WDR72: variants seen among roughly 807,000 people sequenced by gnomAD.
WDR72 encodes WD repeat domain 72, also known as WD repeat-containing protein 72.
WDR72 carries 120 observed loss-of-function variants against 124.2 expected under a neutral mutation model. The ratio of observed to expected loss-of-function variants is 0.97; its 90% CI spans 0.83 to 1.12. The LOEUF is 1.12. Ranked by LOEUF, WDR72 falls within the 50% of genes most tolerant of loss-of-function variation. The pLI is 0.00. For synonymous variants in WDR72, 452 were observed against 441.7 expected (o/e 1.02, Z -0.29); for missense variants, 1,387 against 1,278.8 (o/e 1.08, Z -1.29).
chr15:53,691,600 T>TAGACAGACAGAC (rs140193304), intron 13 of WDR72, among the ~76,000 whole-genome samples: 1 of 137,378 alleles, frequency 7.3e-6, no homozygotes, highest in African/African-American at 2.8e-5. Flanking sequence ...TGTAAAATGA[T>TAGACAGACAGAC]AGACAGACAG....
intron 18 of WDR72, among the ~76,000 whole-genome samples, chr15:53,558,518 G>C (rs1343428777): frequency 6.6e-6 from 1 of 151,954 alleles, no homozygotes; most frequent in Admixed American, 6.6e-5. Context: ...CATCTTTATG[G>C]AAATGGCTTA....
intron 18 of WDR72, among the ~76,000 whole-genome samples, chr15:53,585,498 C>A (rs2012157489): frequency 2.0e-5 from 3 of 151,940 alleles, no homozygotes; most frequent in Admixed American, 2.0e-4. Flanking sequence ...AGAGTCAAAC[C>A]ATATAATTGC....
intron 14 of WDR72, among the ~76,000 whole-genome samples, chr15:53,628,469 G>A (rs140763309): frequency 1.2e-3 from 184 of 152,038 alleles, no homozygotes; most frequent in Middle Eastern, 6.8e-3. Context: ...ATGATTAGCC[G>A]GCATCATAAG....
At chr15:53,579,803 C>G (rs2011817822) in intron 18 of WDR72, among the ~76,000 whole-genome samples, 1 of 151,964 alleles carries the variant, frequency 6.6e-6, no homozygotes, top group Non-Finnish European at 1.5e-5. Context: ...TTCTAACACC[C>G]CTCCTGTCCC....
At chr15:53,669,245 C>T (rs2015906748) in intron 13 of WDR72, among the ~76,000 whole-genome samples, 1 of 152,132 alleles carries the variant, frequency 6.6e-6, no homozygotes, top group Admixed American at 6.6e-5. Context: ...AGACATCTCC[C>T]TATGGACAGC....
intron 18 of WDR72, among the ~76,000 whole-genome samples, chr15:53,567,336 G>A (rs75279788): frequency 0.011 from 1,607 of 151,996 alleles, 35 homozygotes; most frequent in African/African-American, 0.037. Flanking sequence ...TAGATTTGAG[G>A]GGAAGAATAT....
chr15:53,691,222 T>A (rs974765568), intron 13 of WDR72, among the ~76,000 whole-genome samples: 4 of 152,102 alleles, frequency 2.6e-5, no homozygotes, highest in Admixed American at 6.5e-5. Context: ...GCTAATTTTT[T>A]AAATTTTTTA....
rs1014415428 is a variant in WDR72 at position 53,686,128 on chromosome 15, G to A, written c.1765+13622C>T. On this transcript the variant is annotated intron_variant, in intron 13 of 19. Transcript: ENST00000360509. ...ATCATGCCAAAATGTAAAGACCATC[G>A]AGACGAGGACGAAACTGCATCAACT... Among the ~76,000 whole-genome samples, 21 of 147,336 alleles carry A rather than the reference G, an allele frequency of 1.4e-4. 1 individual carries two copies. The highest frequency in any genetic ancestry group is 4.8e-4 in the African/African-American group (19 of 39,410).
chr15:53,752,315 A>T (rs1415171028), intron 1 of WDR72, among the ~76,000 whole-genome samples: 2 of 152,210 alleles, frequency 1.3e-5, no homozygotes, highest in East Asian at 3.8e-4. Flanking sequence ...CCTTATTTGG[A>T]CATGGGCTCA....
rs754680544 is a variant in WDR72, at chr15:53,710,930, G to C, written c.881C>G (p.Pro294Arg). Reference protein sequence around the residue: ...LNSGLSKSIYPADGRVLKETI... With the variant: ...LNSGLSKSIYRADGRVLKETI... Reference sequence around the variant, plus strand: ...CTCTTTAAGCACTCTTCCATCAGCAGGGTATATGCTTTTTGAAAGCCCACT... The same window carrying C: ...CTCTTTAAGCACTCTTCCATCAGCACGGTATATGCTTTTTGAAAGCCCACT... Residue 294 changes from proline to arginine, a missense_variant, in exon 9 of 20, where the codon CCT (proline) becomes CGT (arginine). Pro to Arg is a moderately radical substitution (Grantham distance 103, BLOSUM62 -2). Transcript: ENST00000360509. The C allele has an allele frequency of 1.9e-6, 3 of 1,613,696 alleles. No individual in the cohort carries two copies. The highest frequency in any genetic ancestry group is 3.3e-4 in the Middle Eastern group (2 of 6,062).
chr15:53,683,271 G>T (rs1199936279), intron 13 of WDR72, among the ~76,000 whole-genome samples: 1 of 152,076 alleles, frequency 6.6e-6, no homozygotes, highest in Non-Finnish European at 1.5e-5. Context: ...CTGATGTTTG[G>T]CATCAGAATA....
chr15:53,732,229 C>T (rs2018223306), intron 2 of WDR72, among the ~76,000 whole-genome samples: 1 of 152,086 alleles, frequency 6.6e-6, no homozygotes, highest in Admixed American at 6.6e-5. Flanking sequence ...AATAGAATTA[C>T]AATTAATTGT....
chr15:53,639,038 G>T (rs1175786339), intron 14 of WDR72, among the ~76,000 whole-genome samples: 1 of 151,918 alleles, frequency 6.6e-6, no homozygotes, highest in Admixed American at 6.6e-5. Flanking sequence ...TTCTCACTAA[G>T]GAAGTCTACT....
At chr15:53,688,183 A>T (rs1432824892) in intron 13 of WDR72, among the ~76,000 whole-genome samples, 1 of 150,938 alleles carries the variant, frequency 6.6e-6, no homozygotes, top group Non-Finnish European at 1.5e-5. Context: ...CACCACTCCC[A>T]TTCAACATAG....
Position 53,733,099 on chromosome 15 carries a change from G to A in WDR72, c.51C>T (p.Pro17=). ...AVALWGQKAP[P]HSITAIMITD... ...TGATCATGATGGCAGTGATGCTGTGGGGAGGGGCCTTCTGTCCCCAGAGTG... is the reference window on the plus strand; with the variant it reads ...TGATCATGATGGCAGTGATGCTGTGAGGAGGGGCCTTCTGTCCCCAGAGTG... Residue 17 remains proline, a synonymous_variant, in exon 2 of 20, where the codon CCC becomes CCT. Coordinates refer to ENST00000360509, the MANE Select transcript of WDR72 (RefSeq NM_182758.4). 6.2e-7 allele frequency: 1 copy of A among 1,614,052 alleles called. No homozygotes were observed. Among genetic ancestry groups the A allele is most frequent in the Non-Finnish European group, 8.5e-7 (1 of 1,179,964 alleles).
chr15:53,714,020 C>T (rs1394241639), intron 6 of WDR72, among the ~76,000 whole-genome samples: 2 of 152,060 alleles, frequency 1.3e-5, no homozygotes, highest in East Asian at 3.9e-4. Flanking sequence ...AGCCTGATGC[C>T]AGTGAATAGA....
chr15:53,527,286 G>C (rs761537362), intron 18 of WDR72, among the ~76,000 whole-genome samples: 2 of 152,042 alleles, frequency 1.3e-5, no homozygotes, highest in Non-Finnish European at 2.9e-5. Context: ...TTTGGTTTCA[G>C]TCATTCTCTA....
At chr15:53,743,149 C>T (rs747127946) in intron 1 of WDR72, among the ~76,000 whole-genome samples, 1 of 151,260 alleles carries the variant, frequency 6.6e-6, no homozygotes, top group South Asian at 2.1e-4. Flanking sequence ...ACCATTTTCA[C>T]ATTATGTATG....
intron 13 of WDR72, among the ~76,000 whole-genome samples, chr15:53,675,219 T>C (rs2016127829): frequency 6.6e-6 from 1 of 151,986 alleles, no homozygotes; most frequent in Non-Finnish European, 1.5e-5. Context: ...GGCACATGCC[T>C]GTAGTCCCAG....
Sources: allele counts gnomAD v4.1 joint callset (sites outside exome capture counted in the v4.1 genomes callset), GRCh38; gene constraint gnomAD v4.1.1; transcripts MANE v1.5; gene names NCBI Gene and HGNC (gene_info 2026-07-23, HGNC 2026-07-21).